Variants in P3H2 observed in about 807,000 individuals in gnomAD.
P3H2 encodes leprecan-like 1.
In P3H2, 80 loss-of-function variants were observed where a neutral mutation model predicts 87.0. The ratio of observed to expected loss-of-function variants is 0.92; its 90% CI spans 0.77 to 1.11. The LOEUF (loss-of-function observed/expected upper bound fraction) is 1.11. P3H2 is among the 50% of genes least tolerant of loss of function. The probability of loss-of-function intolerance (pLI) is 0.00; values close to 1 mark genes in which losing one functional copy is unlikely to be tolerated. For synonymous variants in P3H2, 367 were observed against 359.3 expected (o/e 1.02, Z -0.24); for missense variants, 1,001 against 923.9 (o/e 1.08, Z -1.08).
chr3:189,997,297 G>T (rs1400948584), intron 1 of P3H2, among the ~76,000 whole-genome samples: 1 of 152,134 alleles, frequency 6.6e-6, no homozygotes, highest in Non-Finnish European at 1.5e-5. Flanking sequence ...CTTTAGTCAT[G>T]GAGAATTTCA....
chr3:189,972,794 G>T, intron 11 of P3H2, 80 bp downstream of exon 11: 1 of 1,404,870 alleles, frequency 7.1e-7, no homozygotes, highest in Non-Finnish European at 1.0e-6. Context: ...AATCTACCAT[G>T]CTGTTGAGCT....
intron 1 of P3H2, among the ~76,000 whole-genome samples, chr3:190,114,267 T>C (rs1712198064): frequency 6.7e-6 from 1 of 148,230 alleles, no homozygotes; most frequent in African/African-American, 2.5e-5. Context: ...CACTGCAAGC[T>C]CCGCCTCCCG....
intron 13 of P3H2, chr3:189,969,228 C>A: frequency 2.7e-6 from 2 of 752,870 alleles, no homozygotes; most frequent in Admixed American, 1.8e-5. Flanking sequence ...TGGCAATACT[C>A]GCATAACAAA....
intron 1 of P3H2, among the ~76,000 whole-genome samples, chr3:190,001,110 G>C (rs1043901891): frequency 3.9e-5 from 6 of 152,138 alleles, no homozygotes; most frequent in Admixed American, 2.6e-4. Context: ...AGGCAAACAC[G>C]TAACACAAAA....
upstream of P3H2, among the ~76,000 whole-genome samples, chr3:190,122,007 G>T (rs549148598): frequency 1.4e-5 from 2 of 147,122 alleles, no homozygotes; most frequent in Non-Finnish European, 3.0e-5. Flanking sequence ...CAGGATAATT[G>T]CTTGAACCTG....
chr3:189,965,746 G>A (rs536251477), intron 13 of P3H2, among the ~76,000 whole-genome samples: 171 of 152,214 alleles, frequency 1.1e-3, no homozygotes, highest in African/African-American at 3.9e-3. Flanking sequence ...AGCACTTTAG[G>A]AGGCCAAGGC....
rs559804473 is a variant in P3H2, at chr3:190,019,666, C to T, written c.481-24224G>A. Among the ~76,000 whole-genome samples, 4 of 100,188 alleles carry T rather than the reference C, an allele frequency of 4.0e-5. No homozygotes were observed. The South Asian group carries it at 1.1e-3, about 29-fold the overall frequency. The allele number at this position is 100,188 out of a possible 152,430, so 65.7% of individuals were successfully genotyped here. A position where few individuals can be genotyped will look rare whatever the true frequency, so the allele number is the denominator to read the frequency against. On this transcript the variant is annotated intron_variant, in intron 1 of 14. Transcript: ENST00000319332. ...CTTCAGCAAGCCACTCCATTGCCCCCCTCCTGTCAAAAGCCTCATTTATAA... is the reference window on the plus strand; with the variant it reads ...CTTCAGCAAGCCACTCCATTGCCCCTCTCCTGTCAAAAGCCTCATTTATAA...
intron 14 of P3H2, among the ~76,000 whole-genome samples, chr3:189,959,775 C>G (rs920334864): frequency 2.0e-5 from 3 of 151,768 alleles, no homozygotes; most frequent in Non-Finnish European, 4.4e-5. Context: ...CTCTTTTTAC[C>G]TTCTCTATTA....
chr3:190,042,317 A>G (rs1725661554), intron 1 of P3H2, among the ~76,000 whole-genome samples: 1 of 152,160 alleles, frequency 6.6e-6, no homozygotes, highest in South Asian at 2.1e-4. Context: ...CTGACAGCAG[A>G]AAGTATATGG....
At chr3:189,973,791 T>C in intron 10 of P3H2, 118 bp downstream of exon 10, 1 of 802,692 alleles carries the variant, frequency 1.2e-6, no homozygotes, top group Non-Finnish European at 2.3e-6. Context: ...CCCAAAGTGC[T>C]GGGATTACAG....
intron 1 of P3H2, among the ~76,000 whole-genome samples, chr3:190,003,574 C>A (rs1724286913): frequency 6.6e-6 from 1 of 151,814 alleles, no homozygotes; most frequent in Admixed American, 6.6e-5. Flanking sequence ...CTCAAGTCAT[C>A]TGTGTATTGT....
At chr3:190,015,582 C>T (rs949976877) in intron 1 of P3H2, among the ~76,000 whole-genome samples, 7 of 152,034 alleles carry the variant, frequency 4.6e-5, no homozygotes, top group African/African-American at 1.5e-4. Flanking sequence ...CATCTTCTTT[C>T]GACCAACCTT....
chr3:190,019,785 A>ATATATATATATAT lies in P3H2; in HGVS notation c.481-24344_481-24343insATATATATATATA, dbSNP rs1560365170. ...ATGTGACATTACCTAGAAATTAAAA[A>ATATATATATATAT]ATATATATATATATATATATATATA... On this transcript the variant is annotated intron_variant, in intron 1 of 14. Coordinates refer to ENST00000319332, the MANE Select transcript of P3H2 (RefSeq NM_018192.4). Among the ~76,000 whole-genome samples, 46 of 37,380 alleles carry ATATATATATATAT rather than the reference A, an allele frequency of 1.2e-3. 3 individuals carry two copies. The highest frequency in any genetic ancestry group is 2.6e-3 in the African/African-American group (39 of 15,076). 24.5% of individuals were successfully genotyped at this position (37,380 alleles called of 152,430 possible).
chr3:190,105,981 A>G (rs958475840), intron 1 of P3H2, among the ~76,000 whole-genome samples: 6 of 152,224 alleles, frequency 3.9e-5, no homozygotes, highest in African/African-American at 1.4e-4. Context: ...TTTGGTGTCT[A>G]TGATGAAGAA....
chr3:189,987,169 T>A (rs961890912), intron 5 of P3H2, among the ~76,000 whole-genome samples: 3 of 152,192 alleles, frequency 2.0e-5, no homozygotes, highest in Admixed American at 6.5e-5. Flanking sequence ...CCCGAACACA[T>A]GCAGAATCAA....
chr3:190,004,328 G>A (rs1301213347), intron 1 of P3H2, among the ~76,000 whole-genome samples: 4 of 152,196 alleles, frequency 2.6e-5, no homozygotes, highest in African/African-American at 7.2e-5. Flanking sequence ...CAGGACCAGC[G>A]CAGAAAGTGG....
At chr3:189,997,146 G>C (rs1332580010) in intron 1 of P3H2, among the ~76,000 whole-genome samples, 2 of 152,094 alleles carry the variant, frequency 1.3e-5, no homozygotes, top group East Asian at 1.9e-4. Flanking sequence ...CTCAGCCTCC[G>C]AAGTAGCTGG....
chr3:189,970,784 CTAAA>C (rs1178588722), intron 13 of P3H2, 28 bp downstream of exon 13: 1 of 1,306,238 alleles, frequency 7.7e-7, no homozygotes, highest in Non-Finnish European at 1.1e-6. Context: ...CTAAAACATA[CTAAA>C]TAAGTATTCA....
chr3:190,057,113 A>T (rs1726184871), intron 1 of P3H2, among the ~76,000 whole-genome samples: 1 of 152,176 alleles, frequency 6.6e-6, no homozygotes, highest in Admixed American at 6.5e-5. Context: ...TGTATTACCT[A>T]CAAATCAACT....
Sources: gnomAD v4.1 joint callset for allele counts (sites outside exome capture counted in the v4.1 genomes callset) on GRCh38, gnomAD v4.1.1 for gene constraint, MANE v1.5 for transcripts, NCBI Gene and HGNC (gene_info 2026-07-23, HGNC 2026-07-21) for gene names.